The following CCDC171 variants were observed in gnomAD, a reference collection of about 807,000 sequenced individuals.
CCDC171 encodes the protein coiled-coil domain containing 171, also known as coiled-coil domain-containing protein 171.
CCDC171 carries 177 observed loss-of-function variants against 168.2 expected under a neutral mutation model. The observed-to-expected ratio is 1.05, with a 90% confidence interval of 0.93 to 1.19. CCDC171 has a LOEUF of 1.19. Ranked by LOEUF, CCDC171 falls within the 50% of genes most tolerant of loss-of-function variation. The pLI, the probability that CCDC171 is intolerant of heterozygous loss-of-function variation, is 0.00. For missense variants in CCDC171, 1,991 were observed against 1,539.0 expected (o/e 1.29, Z -4.91); for synonymous variants, 687 against 540.8 (o/e 1.27, Z -3.75).
At chr9:16,078,250 T>C in the CCDC171 span, among the ~76,000 whole-genome samples, 1 of 152,148 alleles carries the variant, frequency 6.6e-6, no homozygotes. Context: ...AATCCAAAGG[T>C]GTGCCATTCT....
At chr9:16,006,038 T>A (rs1832685137) in intron 3 of CCDC171, among the ~76,000 whole-genome samples, 2 of 152,104 alleles carry the variant, frequency 1.3e-5, no homozygotes, top group Non-Finnish European at 2.9e-5. Flanking sequence ...TTTTTTGTAT[T>A]TTTAGTAGAG....
chr9:15,769,079 A>G (rs2056879833), intron 18 of CCDC171, among the ~76,000 whole-genome samples: 3 of 152,216 alleles, frequency 2.0e-5, no homozygotes, highest in African/African-American at 7.2e-5. Context: ...ACATATGAGA[A>G]ATAACGTTTC....
chr9:15,576,836 A>G (rs751567424), intron 3 of CCDC171, among the ~76,000 whole-genome samples: 5 of 152,168 alleles, frequency 3.3e-5, no homozygotes, highest in Non-Finnish European at 7.4e-5. Flanking sequence ...TCTGTAGCAT[A>G]CTGAGATCTG....
chr9:15,794,513 A>G (rs1247402396), intron 21 of CCDC171, among the ~76,000 whole-genome samples: 1 of 128,028 alleles, frequency 7.8e-6, no homozygotes, highest in Non-Finnish European at 1.6e-5. Context: ...TGGATGTTGG[A>G]TATTATGAAA....
chr9:15,581,408 T>G (rs1328735615), intron 4 of CCDC171, among the ~76,000 whole-genome samples: 1 of 152,186 alleles, frequency 6.6e-6, no homozygotes, highest in African/African-American at 2.4e-5. Flanking sequence ...ACTGGCTTTC[T>G]TCACAGAACT....
At chr9:15,942,942 A>G (rs1327805238) in intron 25 of CCDC171, among the ~76,000 whole-genome samples, 1 of 152,014 alleles carries the variant, frequency 6.6e-6, no homozygotes, top group Non-Finnish European at 1.5e-5. Flanking sequence ...GATGGTAAGA[A>G]TGTCAGCCCA....
the CCDC171 span, among the ~76,000 whole-genome samples, chr9:16,068,671 G>T: frequency 3.3e-5 from 5 of 152,002 alleles, no homozygotes; most frequent in African/African-American, 1.2e-4. Flanking sequence ...GTGAATCTAC[G>T]TAAATCACAG....
chr9:15,691,808 C>T (rs2050819234), intron 10 of CCDC171, among the ~76,000 whole-genome samples: 2 of 151,982 alleles, frequency 1.3e-5, no homozygotes, highest in South Asian at 4.1e-4. Flanking sequence ...TGCTGAGTAA[C>T]TGGGACCTAC....
At chr9:15,651,763 A>G (rs919861638) in intron 7 of CCDC171, among the ~76,000 whole-genome samples, 3 of 152,134 alleles carry the variant, frequency 2.0e-5, no homozygotes, top group African/African-American at 7.2e-5. Context: ...ATGGACACCT[A>G]GGTTGATTAC....
intron 25 of CCDC171, among the ~76,000 whole-genome samples, chr9:15,955,371 G>A (rs10810507): frequency 0.31 from 47,226 of 151,930 alleles, 9,195 homozygotes; most frequent in East Asian, 0.62. Context: ...TGCAATGTGG[G>A]GAGGTGCAAC....
intron 23 of CCDC171, among the ~76,000 whole-genome samples, chr9:15,866,107 A>T (rs996474800): frequency 3.3e-5 from 5 of 152,076 alleles, no homozygotes; most frequent in African/African-American, 7.2e-5. Context: ...AAAGAGATAA[A>T]GCTCAATGAG....
At chr9:15,732,903 A>G (rs989908930) in intron 16 of CCDC171, among the ~76,000 whole-genome samples, 2 of 152,158 alleles carry the variant, frequency 1.3e-5, no homozygotes, top group East Asian at 3.9e-4. Context: ...CCAAGTGACT[A>G]TATCATTTTG....
At chr9:15,762,171 T>TTTTG (rs1302172353) in intron 18 of CCDC171, among the ~76,000 whole-genome samples, 1 of 151,454 alleles carries the variant, frequency 6.6e-6, no homozygotes, top group African/African-American at 2.4e-5. Flanking sequence ...TTTTTTTTTT[T>TTTTG]TAAGAAAGCT....
chr9:15,709,747 C>T (rs1172987594), intron 11 of CCDC171, among the ~76,000 whole-genome samples: 2 of 152,058 alleles, frequency 1.3e-5, no homozygotes, highest in Non-Finnish European at 2.9e-5. Flanking sequence ...TTTTCTTACT[C>T]CCAAGAGAAA....
chr9:16,000,402 T>C (rs1832505730), intron 3 of CCDC171, among the ~76,000 whole-genome samples: 1 of 152,192 alleles, frequency 6.6e-6, no homozygotes, highest in Admixed American at 6.5e-5. Flanking sequence ...GTTGGATCTC[T>C]GTGGCAAGGA....
chr9:15,915,671 A>C (rs943871014), intron 24 of CCDC171, among the ~76,000 whole-genome samples: 2 of 152,102 alleles, frequency 1.3e-5, no homozygotes, highest in African/African-American at 4.8e-5. Context: ...AGTGGCAAAA[A>C]GTGGACGTCC....
At chr9:15,681,463 T>C (rs1305856166) in intron 10 of CCDC171, among the ~76,000 whole-genome samples, 5 of 152,092 alleles carry the variant, frequency 3.3e-5, no homozygotes, top group Non-Finnish European at 7.4e-5. Context: ...TTAGCTTTCT[T>C]TTAACTTTTT....
chr9:15,913,800 G>C (rs1824066268), intron 24 of CCDC171, among the ~76,000 whole-genome samples: 1 of 152,142 alleles, frequency 6.6e-6, no homozygotes, highest in South Asian at 2.1e-4. Context: ...TGTTTTTGCT[G>C]TCGGTGACCT....
intron 25 of CCDC171, among the ~76,000 whole-genome samples, chr9:15,938,903 A>T (rs975604492): frequency 6.6e-6 from 1 of 151,860 alleles, no homozygotes; most frequent in Admixed American, 6.6e-5. Flanking sequence ...ATAATGCCAT[A>T]TGGATAGTAT....
Sources: gnomAD v4.1 joint callset for allele counts (sites outside exome capture counted in the v4.1 genomes callset) on GRCh38, gnomAD v4.1.1 for gene constraint, MANE v1.5 for transcripts, NCBI Gene and HGNC (gene_info 2026-07-23, HGNC 2026-07-21) for gene names.